Variants in PLD5 observed in about 807,000 individuals in gnomAD.
PLD5 encodes phospholipase D family member 5, also known as inactive phospholipase D5.
A neutral mutation model predicts 61.1 loss-of-function variants in PLD5; 36 were observed. The ratio of observed to expected loss-of-function variants is 0.59; its 90% confidence interval spans 0.45 to 0.78. The LOEUF (loss-of-function observed/expected upper bound fraction) is 0.78, where lower values mean the gene tolerates loss of function less well. PLD5 is among the 30% of genes least tolerant of loss of function. The pLI is 0.00. For missense variants in PLD5, 515 were observed against 644.4 expected (o/e 0.80, Z 2.17); for synonymous variants, 243 against 242.8 (o/e 1.00, Z -0.01).
At chr1:242,476,359 AAAAAAAG>A (rs889555497) in intron 1 of PLD5, among the ~76,000 whole-genome samples, 15 of 152,102 alleles carry the variant, frequency 9.9e-5, no homozygotes, top group Non-Finnish European at 1.9e-4. Flanking sequence ...CCGTCTCAAA[AAAAAAAG>A]AAAAAAGAAA....
At chr1:242,451,101 C>T (rs969436281) in intron 1 of PLD5, among the ~76,000 whole-genome samples, 15 of 152,152 alleles carry the variant, frequency 9.9e-5, no homozygotes, top group African/African-American at 3.1e-4. Context: ...TGGGAAGAGG[C>T]GGCAACATCT....
intron 5 of PLD5, among the ~76,000 whole-genome samples, chr1:242,197,171 A>G (rs1346547000): frequency 6.6e-6 from 1 of 152,140 alleles, no homozygotes; most frequent in Non-Finnish European, 1.5e-5. Context: ...CAGCCAGCCC[A>G]GGAGGGACCC....
Position 242,086,360 on chromosome 1 carries a change from T to C in PLD5, c.*3494A>G, listed in dbSNP as rs1350593846. ...GTCTGCAAAGCATCTCTTTACAGCA[T>C]TCTTTTAAGTCAGTGGGGACATTTT... On this transcript the variant is annotated 3_prime_UTR_variant, in exon 10 of 10. Transcript: ENST00000536534. 1.3e-5 allele frequency: 2 copies of C among 152,246 alleles called. No homozygotes were observed. Among genetic ancestry groups the C allele is most frequent in the Non-Finnish European group, 2.9e-5 (2 of 68,060 alleles). The allele number at this position is 152,246 out of a possible 1,614,324, so 9.4% of individuals were successfully genotyped here.
Position 242,428,861 on chromosome 1 carries a change from T to A in PLD5, c.190-80619A>T, listed in dbSNP as rs563340102. On this transcript the variant is annotated intron_variant, in intron 1 of 9. Transcript: ENST00000536534. ...CTCTAGTGAAACAAATGGAAAAATA[T>A]TTAAGCATGACAAAGAAATCACAAA... Among the ~76,000 whole-genome samples, 18 of 152,280 alleles carry A rather than the reference T, an allele frequency of 1.2e-4. No homozygotes were observed. The East Asian group carries it at 3.5e-3, about 29-fold the overall frequency.
intron 1 of PLD5, among the ~76,000 whole-genome samples, chr1:242,503,725 T>C (rs1211529038): frequency 6.6e-6 from 1 of 152,108 alleles, no homozygotes; most frequent in East Asian, 1.9e-4. Flanking sequence ...TTAAGAAGCA[T>C]TTCACTGCTC....
chr1:242,497,929 G>T (rs1200311469), intron 1 of PLD5, among the ~76,000 whole-genome samples: 1 of 151,680 alleles, frequency 6.6e-6, no homozygotes, highest in Non-Finnish European at 1.5e-5. Context: ...TAGTTTGAAA[G>T]AATCAGGTTT....
chr1:242,290,037 T>G (rs1232494348), intron 2 of PLD5, among the ~76,000 whole-genome samples: 2 of 150,992 alleles, frequency 1.3e-5, no homozygotes, highest in Non-Finnish European at 2.9e-5. Flanking sequence ...GTTGAGCCTT[T>G]ATAAGCACAG....
Position 242,227,698 on chromosome 1 carries a change from A to C in PLD5, c.608-7583T>G, listed in dbSNP as rs549992672. ...GTTCTTTATGTGTGGATGATATTAC[A>C]TGGGTAGGGCTAAATGTCACCACCA... On this transcript the variant is annotated intron_variant, in intron 4 of 9. Coordinates refer to ENST00000536534, the MANE Select transcript of PLD5 (RefSeq NM_001372062.1). Among the ~76,000 whole-genome samples, 24 of 152,254 alleles carry C rather than the reference A, an allele frequency of 1.6e-4. No homozygotes were observed. The South Asian group carries it at 3.7e-3, about 24-fold the overall frequency.
At chr1:242,299,244 A>C (rs1675892852) in intron 2 of PLD5, among the ~76,000 whole-genome samples, 1 of 152,210 alleles carries the variant, frequency 6.6e-6, no homozygotes, top group Non-Finnish European at 1.5e-5. Flanking sequence ...AGAATGGAGC[A>C]TCCATGCCCT....
intron 2 of PLD5, among the ~76,000 whole-genome samples, chr1:242,342,166 G>A (rs553451747): frequency 6.6e-6 from 1 of 152,178 alleles, no homozygotes; most frequent in Non-Finnish European, 1.5e-5. Context: ...ATGCTGACTG[G>A]TTCTGTGTGT....
chr1:242,217,277 C>T (rs927729198), intron 5 of PLD5, among the ~76,000 whole-genome samples: 4 of 152,114 alleles, frequency 2.6e-5, no homozygotes, highest in African/African-American at 7.2e-5. Context: ...TAGATCTGGG[C>T]AAATTAAATT....
At chr1:242,121,120 T>C (rs1558242435) in intron 6 of PLD5, among the ~76,000 whole-genome samples, 4 of 152,184 alleles carry the variant, frequency 2.6e-5, no homozygotes, top group African/African-American at 9.7e-5. Context: ...ATCTTGGCAT[T>C]TGTCTGGCAT....
intron 1 of PLD5, among the ~76,000 whole-genome samples, chr1:242,389,565 G>T (rs534803578): frequency 6.7e-5 from 10 of 148,914 alleles, no homozygotes; most frequent in Admixed American, 6.7e-4. Context: ...AATACTCTGA[G>T]GGGGGGAAAA....
chr1:242,478,367 G>A (rs1267713463), intron 1 of PLD5, among the ~76,000 whole-genome samples: 1 of 152,156 alleles, frequency 6.6e-6, no homozygotes, highest in Non-Finnish European at 1.5e-5. Context: ...AGACCTCTGG[G>A]TGGCTGCCTT....
At position 242,157,083 on chromosome 1, in the gene PLD5, C is replaced by G. The variant is rs571749759; in HGVS notation, c.736-32418G>C. On this transcript the variant is annotated intron_variant, in intron 5 of 9. Transcript: ENST00000536534. ...ATTCTTTTTTCTGTAATATTGTCTT[C>G]TAGCTTTATTTCATTAAGTTGATCT... Among the ~76,000 whole-genome samples the G allele has an allele frequency of 4.7e-4, 71 of 152,082 alleles. 1 individual carries two copies. In the South Asian group the frequency reaches 0.014, roughly 31 times the overall value.
intron 1 of PLD5, among the ~76,000 whole-genome samples, chr1:242,435,406 G>A (rs540798385): frequency 2.0e-5 from 3 of 149,470 alleles, no homozygotes; most frequent in Non-Finnish European, 2.9e-5. Flanking sequence ...GCATCTGTGT[G>A]TTTTTTGTTG....
chr1:242,151,600 G>A (rs577388367), intron 5 of PLD5, among the ~76,000 whole-genome samples: 24 of 151,824 alleles, frequency 1.6e-4, no homozygotes, highest in Non-Finnish European at 2.7e-4. Flanking sequence ...TTGGTTTTCC[G>A]CAGTTTGAAT....
At chr1:242,251,163 A>G (rs1211061436) in intron 4 of PLD5, among the ~76,000 whole-genome samples, 1 of 152,198 alleles carries the variant, frequency 6.6e-6, no homozygotes, top group African/African-American at 2.4e-5. Flanking sequence ...GCAGTTGAAT[A>G]TTTGTGCCTG....
chr1:242,393,190 C>T (rs1278158378), intron 1 of PLD5, among the ~76,000 whole-genome samples: 3 of 136,568 alleles, frequency 2.2e-5, no homozygotes, highest in South Asian at 2.4e-4. Flanking sequence ...GATAAGACGA[C>T]GACTCCGTCT....
Sources: gnomAD v4.1 joint callset for allele counts (sites outside exome capture counted in the v4.1 genomes callset) on GRCh38, gnomAD v4.1.1 for gene constraint, MANE v1.5 for transcripts, NCBI Gene and HGNC (gene_info 2026-07-23, HGNC 2026-07-21) for gene names.